PAPSS2: variants seen among roughly 807,000 people sequenced by gnomAD.
The protein encoded by PAPSS2 is 3'-phosphoadenosine 5'-phosphosulfate synthase 2.
A neutral mutation model predicts 66.5 loss-of-function variants in PAPSS2; 61 were observed. The observed-to-expected ratio is 0.92, with a 90% confidence interval of 0.75 to 1.14. The LOEUF is 1.14. Ranked by LOEUF, PAPSS2 falls within the 50% of genes most tolerant of loss-of-function variation. The pLI is 0.00. For missense variants in PAPSS2, 708 were observed against 789.6 expected (o/e 0.90, Z 1.24); for synonymous variants, 289 against 287.5 (o/e 1.01, Z -0.05).
At chr10:87,743,243 A>C (rs1853892185) in intron 10 of PAPSS2, 130 bp from the exon 11 acceptor site, 1 of 170,842 alleles carries the variant, frequency 5.9e-6, no homozygotes, top group Non-Finnish European at 9.2e-6. Context: ...AGACTCTTTC[A>C]AAAAAAAAAA....
intron 1 of PAPSS2, 138 bp downstream of exon 1, chr10:87,660,146 G>A: frequency 1.2e-6 from 1 of 854,932 alleles, no homozygotes; most frequent in Non-Finnish European, 1.9e-6. Context: ...GGGCACGGAG[G>A]GAAGCAAGAG....
chr10:87,721,893 C>T, intron 8 of PAPSS2, 123 bp downstream of exon 8: 1 of 633,416 alleles, frequency 1.6e-6, no homozygotes, highest in Non-Finnish European at 2.7e-6. Context: ...GCTATTAGTT[C>T]ATGATCCAAC....
chr10:87,690,020 A>G (rs567156755), intron 1 of PAPSS2, among the ~76,000 whole-genome samples: 1 of 152,358 alleles, frequency 6.6e-6, no homozygotes, highest in South Asian at 2.1e-4. Flanking sequence ...GTAATATTCT[A>G]TAATGGACAA....
chr10:87,703,714 T>C, intron 1 of PAPSS2: 2 of 518,684 alleles, frequency 3.9e-6, no homozygotes, highest in Non-Finnish European at 7.7e-6. Context: ...ATACTCATGC[T>C]ACTCCGATGC....
Position 87,727,499 on chromosome 10 carries a change from A to T in PAPSS2, c.1086+10A>T, listed in dbSNP as rs775255860. On this transcript the variant is annotated intron_variant, in intron 9 of 12. Coordinates refer to ENST00000456849, the MANE Select transcript of PAPSS2 (RefSeq NM_001015880.2). ...ACACCCCCATATCAAAGTAAGTCAC[A>T]AAACCTTTGGAAGGACTTTCTTGAG... 1 of 1,603,646 alleles carries T rather than the reference A, an allele frequency of 6.2e-7. No individual in the cohort carries two copies. Among genetic ancestry groups the T allele is most frequent in the Non-Finnish European group, 8.5e-7 (1 of 1,172,932 alleles).
chr10:87,663,777 CT>C lies in PAPSS2; in HGVS notation c.27+3771del, dbSNP rs1852783462. On this transcript the variant is annotated intron_variant, in intron 1 of 12. Coordinates refer to ENST00000456849, the MANE Select transcript of PAPSS2 (RefSeq NM_001015880.2). The stretch of plus-strand genomic sequence containing the variant: ...AAAGTAAGTAACTCCTAAAAATTGT[CT>C]TGCTCAGTGCCAGACCCAGAGTTAG... Among the ~76,000 whole-genome samples, 4 of 152,320 alleles carry C rather than the reference CT, an allele frequency of 2.6e-5. No individual in the cohort carries two copies. In the South Asian group the frequency reaches 8.3e-4, roughly 32 times the overall value.
intron 1 of PAPSS2, among the ~76,000 whole-genome samples, chr10:87,690,355 G>A (rs1390323765): frequency 2.6e-5 from 4 of 152,106 alleles, no homozygotes; most frequent in Non-Finnish European, 4.4e-5. Flanking sequence ...GCAAATAAAT[G>A]CCTATTTTAA....
At chr10:87,675,114 C>G (rs764838938) in intron 1 of PAPSS2, among the ~76,000 whole-genome samples, 1 of 152,168 alleles carries the variant, frequency 6.6e-6, no homozygotes, top group Non-Finnish European at 1.5e-5. Flanking sequence ...TTTATTTTGT[C>G]TTTTTAAAAC....
chr10:87,711,224 A>G (rs941551381), intron 2 of PAPSS2, among the ~76,000 whole-genome samples: 17 of 152,044 alleles, frequency 1.1e-4, no homozygotes, highest in African/African-American at 3.6e-4. Flanking sequence ...TTATTTGTAC[A>G]ATGGGAATAA....
intron 1 of PAPSS2, among the ~76,000 whole-genome samples, chr10:87,687,225 G>A (rs1853099837): frequency 6.6e-6 from 1 of 151,926 alleles, no homozygotes; most frequent in South Asian, 2.1e-4. Context: ...ACAATCTTTG[G>A]CATATAGTTG....
rs186680776 is a variant in PAPSS2 at position 87,697,559 on chromosome 10, G to A, written c.28-11637G>A. 1.4e-4 allele frequency among the ~76,000 whole-genome samples: 21 copies of A among 152,346 alleles called. 1 individual carries two copies. The highest frequency in any genetic ancestry group is 1.1e-3 in the Admixed American group (17 of 15,300). ...CATAGAATTGTACCAGCTGGAGACT[G>A]GAGCCAGAGGAAGAGCTGCCTCAAG... On this transcript the variant is annotated intron_variant, in intron 1 of 12. Coordinates refer to ENST00000456849, the MANE Select transcript of PAPSS2 (RefSeq NM_001015880.2).
chr10:87,719,435 G>A (rs1853569324), intron 7 of PAPSS2, among the ~76,000 whole-genome samples: 1 of 152,118 alleles, frequency 6.6e-6, no homozygotes. Flanking sequence ...ATACATATTA[G>A]CTATTATGAA....
chr10:87,710,958 C>T (rs112472786), intron 2 of PAPSS2, among the ~76,000 whole-genome samples: 60 of 152,068 alleles, frequency 3.9e-4, no homozygotes, highest in African/African-American at 1.3e-3. Context: ...AGCTGAGATC[C>T]GCCACTGCAC....
intron 12 of PAPSS2, 110 bp from the exon 13 acceptor site, chr10:87,745,722 C>A: frequency 1.8e-6 from 2 of 1,086,102 alleles, no homozygotes; most frequent in Non-Finnish European, 1.4e-6. Context: ...TTTGAAGATG[C>A]AGCATTTTAC....
intron 1 of PAPSS2, among the ~76,000 whole-genome samples, chr10:87,683,658 T>A (rs1853053036): frequency 6.6e-6 from 1 of 151,934 alleles, no homozygotes; most frequent in South Asian, 2.1e-4. Context: ...CACTAATAGC[T>A]CTTTTATGTT....
chr10:87,745,786 G>A (rs1438000210), intron 12 of PAPSS2, 46 bp from the exon 13 acceptor site: 2 of 1,606,712 alleles, frequency 1.2e-6, no homozygotes, highest in Non-Finnish European at 1.7e-6. Context: ...CCTTAAGGCA[G>A]ATATCATTTA....
At chr10:87,708,016 G>A (rs556702807) in intron 1 of PAPSS2, among the ~76,000 whole-genome samples, 10 of 152,236 alleles carry the variant, frequency 6.6e-5, no homozygotes, top group South Asian at 6.2e-4. Flanking sequence ...ATTACACACC[G>A]CAGACATCTA....
intron 1 of PAPSS2, among the ~76,000 whole-genome samples, chr10:87,682,134 A>T (rs1309390596): frequency 1.3e-5 from 2 of 152,214 alleles, no homozygotes; most frequent in Non-Finnish European, 2.9e-5. Flanking sequence ...ACGAAGGGAA[A>T]AGGACAAGAA....
chr10:87,672,466 T>C (rs1044421730), intron 1 of PAPSS2, among the ~76,000 whole-genome samples: 1 of 152,246 alleles, frequency 6.6e-6, no homozygotes, highest in Non-Finnish European at 1.5e-5. Context: ...TTCAAGGTTT[T>C]CTACCCTTTT....
Sources: allele counts gnomAD v4.1 joint callset (sites outside exome capture counted in the v4.1 genomes callset), GRCh38; gene constraint gnomAD v4.1.1; transcripts MANE v1.5; gene names NCBI Gene and HGNC (gene_info 2026-07-23, HGNC 2026-07-21).